Variants in VPS13D observed in about 807,000 individuals in gnomAD.
VPS13D encodes vacuolar protein sorting 13 homolog D, also known as intermembrane lipid transfer protein VPS13D.
A neutral mutation model predicts 461.9 loss-of-function variants in VPS13D; 187 were observed. The ratio of observed to expected loss-of-function variants is 0.40; its 90% CI spans 0.36 to 0.46. The LOEUF (loss-of-function observed/expected upper bound fraction) is 0.46, where lower values mean the gene tolerates loss of function less well. Ranked by LOEUF, VPS13D falls within the 20% of genes least tolerant of loss-of-function variation. VPS13D has a pLI of 0.60. For missense variants in VPS13D, 4,711 were observed against 5,364.9 expected, an observed-to-expected ratio of 0.88 and a Z score of 3.81; for synonymous variants, 1,951 against 1,986.3, an observed-to-expected ratio of 0.98 and a Z score of 0.47.
In VPS13D at chr1:12,510,550, TGTGTGC is replaced by T. The variant is rs1318169338; in HGVS notation, c.*1528_*1533del. 6.5e-5 allele frequency: 10 copies of T among 153,042 alleles called. No homozygotes were observed. Among genetic ancestry groups the T allele is most frequent in the East Asian group, 1.9e-4 (1 of 5,228 alleles). The allele number at this position is 153,042 out of a possible 1,614,324, so 9.5% of individuals were successfully genotyped here. A position where few individuals can be genotyped will look rare whatever the true frequency, so the allele number is the denominator to read the frequency against. On this transcript the variant is annotated 3_prime_UTR_variant, in exon 70 of 70. Coordinates refer to ENST00000620676, the MANE Select transcript of VPS13D (RefSeq NM_015378.4). ...CTGTGTGTGTGTGTGTGTGTGTGTG[TGTGTGC>T]GCGCGCGCGCGTGCATGCAGAGAGG...
intron 67 of VPS13D, among the ~76,000 whole-genome samples, chr1:12,466,602 T>C (rs1031346026): frequency 4.6e-5 from 7 of 152,232 alleles, no homozygotes; most frequent in Non-Finnish European, 8.8e-5. Flanking sequence ...CTCATACTTA[T>C]CTAGGAAGTT....
At chr1:12,423,964 G>A (rs939074023) in intron 65 of VPS13D, among the ~76,000 whole-genome samples, 7 of 152,188 alleles carry the variant, frequency 4.6e-5, no homozygotes, top group Non-Finnish European at 7.3e-5. Context: ...TTCTGAAGGC[G>A]AAAAGGCAAT....
intron 62 of VPS13D, 122 bp downstream of exon 62, chr1:12,401,826 G>T: frequency 8.6e-6 from 6 of 696,758 alleles, no homozygotes; most frequent in South Asian, 1.9e-5. Context: ...ATCTCAGCCT[G>T]AGCTAGGAAG....
rs1432491138 is a variant in VPS13D at position 12,416,702 on chromosome 1, T to C, written c.12208T>C (p.Phe4070Leu). 6.2e-7 allele frequency: 1 copy of C among 1,614,048 alleles called. No homozygotes were observed. Among genetic ancestry groups the C allele is most frequent in the East Asian group, 2.2e-5 (1 of 44,872 alleles). Reference sequence around the variant, plus strand: ...AGCTCGAATCCTGGGATCAGTGGATTTTCTTGGCAATCCTATGGGGCTTTT... The same window carrying C: ...AGCTCGAATCCTGGGATCAGTGGATCTTCTTGGCAATCCTATGGGGCTTTT... ...QAARILGSVD[F>L]LGNPMGLLND... Residue 4070 changes from phenylalanine (F) to leucine (L), a missense_variant, in exon 65 of 70, where the codon TTT becomes CTT. Phe to Leu is a conservative substitution (Grantham distance 22, BLOSUM62 0). This residue lies in a region of VPS13D where 106 missense variants were observed against 206.2 expected (regional missense o/e 0.51). Transcript: ENST00000620676.
intron 6 of VPS13D, among the ~76,000 whole-genome samples, chr1:12,251,117 T>C (rs895801175): frequency 9.6e-5 from 14 of 145,524 alleles, no homozygotes; most frequent in Admixed American, 2.1e-4. Context: ...CCATGCTCAT[T>C]AGTGTTGTCC....
chr1:12,402,077 A>ACTCC (rs1644589297), intron 62 of VPS13D, among the ~76,000 whole-genome samples: 1 of 152,162 alleles, frequency 6.6e-6, no homozygotes, highest in Non-Finnish European at 1.5e-5. Context: ...TTGTTTCTTA[A>ACTCC]ACAGACTCCA....
rs528118935 is a variant in VPS13D, at chr1:12,487,080, A to G, written c.12663-10420A>G. 1.8e-3 allele frequency among the ~76,000 whole-genome samples: 279 copies of G among 152,136 alleles called. 1 individual carries two copies. The highest frequency in any genetic ancestry group is 2.8e-3 in the Non-Finnish European group (191 of 67,988). ...CCCAAGAGCCTCAGTTTCTCCCTCTACCACCTGAAGTCTAACTGCAGGGCC... is the reference window on the plus strand; with the variant it reads ...CCCAAGAGCCTCAGTTTCTCCCTCTGCCACCTGAAGTCTAACTGCAGGGCC... On this transcript the variant is annotated intron_variant, in intron 67 of 69. Transcript: ENST00000620676.
intron 67 of VPS13D, among the ~76,000 whole-genome samples, chr1:12,496,003 C>T (rs751153211): frequency 8.0e-4 from 121 of 152,170 alleles, no homozygotes; most frequent in Non-Finnish European, 1.4e-3. Flanking sequence ...GCCCCTCTAC[C>T]GCCCTCCCCA....
intron 50 of VPS13D, among the ~76,000 whole-genome samples, chr1:12,362,220 CTAAAAT>C (rs1557733288): frequency 1.3e-5 from 2 of 152,112 alleles, no homozygotes; most frequent in Admixed American, 1.3e-4. Context: ...GGGCAATGGG[CTAAAAT>C]AAAATACTGG....
chr1:12,369,268 T>G (rs1228956710), intron 53 of VPS13D, among the ~76,000 whole-genome samples, 199 bp from the exon 54 acceptor site: 1 of 152,008 alleles, frequency 6.6e-6, no homozygotes, highest in African/African-American at 2.4e-5. Flanking sequence ...ACATGTCTTT[T>G]AATTGGTGAG....
chr1:12,294,727 G>A (rs552136443), intron 24 of VPS13D, among the ~76,000 whole-genome samples: 2 of 152,200 alleles, frequency 1.3e-5, no homozygotes, highest in East Asian at 3.9e-4. Context: ...CAGGAGAATC[G>A]CTTGAACCTG....
intron 67 of VPS13D, among the ~76,000 whole-genome samples, chr1:12,487,885 G>T (rs1015465760): frequency 6.6e-6 from 1 of 152,224 alleles, no homozygotes. Flanking sequence ...CCTGCTGTGA[G>T]TTTTATTAAT....
chr1:12,346,972 G>A (rs1290272434), intron 44 of VPS13D, among the ~76,000 whole-genome samples: 1 of 152,096 alleles, frequency 6.6e-6, no homozygotes, highest in African/African-American at 2.4e-5. Context: ...CATAGTTTTG[G>A]GTCCAAAGGT....
At chr1:12,500,709 T>C (rs754450138) in intron 68 of VPS13D, among the ~76,000 whole-genome samples, 1 of 151,760 alleles carries the variant, frequency 6.6e-6, no homozygotes, top group African/African-American at 2.4e-5. Flanking sequence ...ACCAGCCAGA[T>C]AAGTTGTTCC....
chr1:12,444,930 T>C (rs1163604434), intron 65 of VPS13D, among the ~76,000 whole-genome samples: 1 of 152,218 alleles, frequency 6.6e-6, no homozygotes, highest in Admixed American at 6.5e-5. Flanking sequence ...GTTTTTAAAT[T>C]TTCCCCCATG....
At position 12,356,634 on chromosome 1, in the gene VPS13D, C is replaced by G; in HGVS notation, c.9998+110C>G. The G allele has an allele frequency of 2.2e-6, 3 of 1,393,220 alleles. No individual in the cohort carries two copies. The South Asian group carries it at 4.7e-5, about 22-fold the overall frequency. 86.3% of individuals were successfully genotyped at this position (1,393,220 alleles called of 1,614,324 possible). On this transcript the variant is annotated intron_variant, in intron 49 of 69. Transcript: ENST00000620676. ...TAGAAATATACTGTAGATAACAATC[C>G]TGACTTGGCAGGGGAATAGAACCAT... is the stretch of plus-strand genomic sequence containing the variant.
At chr1:12,492,068 TC>T (rs1300543183) in intron 67 of VPS13D, among the ~76,000 whole-genome samples, 1 of 152,262 alleles carries the variant, frequency 6.6e-6, no homozygotes, top group East Asian at 1.9e-4. Flanking sequence ...TGTTCGGTGA[TC>T]CATTGTCCCC....
chr1:12,243,179 T>C (rs905971549), intron 3 of VPS13D, among the ~76,000 whole-genome samples: 8 of 152,170 alleles, frequency 5.3e-5, no homozygotes, highest in African/African-American at 1.9e-4. Flanking sequence ...GGTCTTGAAC[T>C]CCTGACCTCA....
intron 67 of VPS13D, 104 bp downstream of exon 67, chr1:12,460,500 G>T (rs1217336016): frequency 2.8e-6 from 3 of 1,088,572 alleles, no homozygotes; most frequent in Non-Finnish European, 3.6e-6. Flanking sequence ...TAGTTATAGG[G>T]TTTTTAATTC....
Sources: gnomAD v4.1 joint callset for allele counts (sites outside exome capture counted in the v4.1 genomes callset) on GRCh38, gnomAD v4.1.1 for gene constraint, gnomAD v4.1.1 regional missense constraint, MANE v1.5 for transcripts, NCBI Gene and HGNC (gene_info 2026-07-23, HGNC 2026-07-21) for gene names.